Variants in GMDS observed in about 807,000 individuals in gnomAD.
GMDS encodes the protein GDP-mannose 4,6 dehydratase.
GMDS carries 20 observed loss-of-function variants against 49.9 expected under a neutral mutation model. That is an observed-to-expected ratio of 0.40 (90% CI 0.28 to 0.58). The LOEUF (loss-of-function observed/expected upper bound fraction) is 0.58, where lower values mean the gene tolerates loss of function less well. GMDS is among the 20% of genes least tolerant of loss of function. GMDS has a pLI of 0.42. For synonymous variants in GMDS, 177 were observed against 178.6 expected (o/e 0.99, Z 0.07); for missense variants, 362 against 481.4 (o/e 0.75, Z 2.32).
intron 7 of GMDS, among the ~76,000 whole-genome samples, chr6:1,795,434 T>C (rs1245736650): frequency 6.6e-6 from 1 of 152,190 alleles, no homozygotes; most frequent in Non-Finnish European, 1.5e-5. Context: ...CCTTTTCCCA[T>C]ATATCTGTAT....
At chr6:2,196,635 A>G (rs747345734) in intron 1 of GMDS, among the ~76,000 whole-genome samples, 1 of 152,220 alleles carries the variant, frequency 6.6e-6, no homozygotes, top group Non-Finnish European at 1.5e-5. Context: ...ACAGTTCAGG[A>G]CAGACCACAT....
chr6:1,945,230 G>C (rs141581511), intron 6 of GMDS, among the ~76,000 whole-genome samples: 90 of 152,070 alleles, frequency 5.9e-4, no homozygotes, highest in African/African-American at 2.1e-3. Flanking sequence ...CTCTCTGCTT[G>C]AATCATATCT....
chr6:2,127,914 G>A (rs923323733), intron 1 of GMDS, among the ~76,000 whole-genome samples: 5 of 152,204 alleles, frequency 3.3e-5, no homozygotes, highest in East Asian at 1.9e-4. Flanking sequence ...AAGTTCTGAC[G>A]CTTGACTCCT....
rs1432009978 is a variant in GMDS, at chr6:1,750,833, C to T, written c.772-8247G>A. ...GCTAAGATCCGCTGGCTTGAAATTC[C>T]CGCTGCCAGCACAGCAGTATGAAGT... On this transcript the variant is annotated intron_variant, in intron 7 of 10. Coordinates refer to ENST00000380815, the MANE Select transcript of GMDS (RefSeq NM_001500.4). 3.9e-5 allele frequency among the ~76,000 whole-genome samples: 6 copies of T among 152,298 alleles called. No individual in the cohort carries two copies. In the East Asian group the frequency reaches 7.7e-4, roughly 20 times the overall value.
chr6:1,774,362 A>G (rs1433919464), intron 7 of GMDS, among the ~76,000 whole-genome samples: 1 of 152,238 alleles, frequency 6.6e-6, no homozygotes, highest in African/African-American at 2.4e-5. Flanking sequence ...TGTGGAGGAC[A>G]CTCAGAGCAA....
chr6:1,855,873 GCA>G (rs1396620727), intron 7 of GMDS, among the ~76,000 whole-genome samples: 1 of 152,264 alleles, frequency 6.6e-6, no homozygotes, highest in Non-Finnish European at 1.5e-5. Context: ...CTACTACAAT[GCA>G]CACACACAAA....
At chr6:2,135,555 C>CTTTTTTTTTTTTTTTT (rs1276419101) in intron 1 of GMDS, among the ~76,000 whole-genome samples, 1 of 152,024 alleles carries the variant, frequency 6.6e-6, no homozygotes. Context: ...ATTTGAGTTT[C>CTTTTTTTTTTTTTTTT]TATAATCTAG....
At chr6:2,078,480 G>A (rs1340722603) in intron 4 of GMDS, among the ~76,000 whole-genome samples, 5 of 151,886 alleles carry the variant, frequency 3.3e-5, no homozygotes, top group Non-Finnish European at 5.9e-5. Context: ...ACTTTCATTC[G>A]TTTCAAGAAA....
intron 9 of GMDS, among the ~76,000 whole-genome samples, chr6:1,667,770 C>A (rs1764281430): frequency 1.4e-5 from 2 of 144,108 alleles, no homozygotes; most frequent in Non-Finnish European, 3.0e-5. Context: ...TATTTTTCTT[C>A]TTCTCAAATG....
At chr6:2,209,020 CTG>C (rs1457778439) in intron 1 of GMDS, among the ~76,000 whole-genome samples, 1 of 152,126 alleles carries the variant, frequency 6.6e-6, no homozygotes, top group Non-Finnish European at 1.5e-5. Context: ...TTCAAGAAAA[CTG>C]TTTTGGATCC....
chr6:2,217,071 C>T (rs1344938611), intron 1 of GMDS, among the ~76,000 whole-genome samples: 3 of 152,144 alleles, frequency 2.0e-5, no homozygotes, highest in Admixed American at 6.5e-5. Flanking sequence ...GCGCTCAGCA[C>T]GTGGACTCGA....
chr6:2,101,051 A>AT (rs138705801), intron 4 of GMDS, among the ~76,000 whole-genome samples: 30,065 of 150,484 alleles, frequency 0.2, 3,515 homozygotes, highest in Non-Finnish European at 0.25. Flanking sequence ...CATTACTGAG[A>AT]TTTTTTTTTT....
chr6:1,643,775 TAA>T (rs1013363829), intron 9 of GMDS, among the ~76,000 whole-genome samples: 19 of 152,248 alleles, frequency 1.2e-4, no homozygotes, highest in African/African-American at 4.3e-4. Context: ...TCATATACTT[TAA>T]GTGGGTGAAC....
chr6:2,023,467 T>A (rs1768395391), intron 4 of GMDS, among the ~76,000 whole-genome samples: 1 of 152,230 alleles, frequency 6.6e-6, no homozygotes, highest in Non-Finnish European at 1.5e-5. Context: ...CAAGCAAAGG[T>A]GAGACCCCCT....
intron 4 of GMDS, among the ~76,000 whole-genome samples, chr6:2,013,924 C>CCA: frequency 1.9e-5 from 1 of 51,548 alleles, no homozygotes; most frequent in African/African-American, 1.0e-4. Flanking sequence ...AGGATAAAAA[C>CCA]CATATATATA....
At chr6:1,928,457 A>G (rs1297154034) in intron 7 of GMDS, among the ~76,000 whole-genome samples, 1 of 152,218 alleles carries the variant, frequency 6.6e-6, no homozygotes, top group African/African-American at 2.4e-5. Context: ...GATATTATTG[A>G]GAAAATAATG....
At chr6:1,716,704 C>T (rs917280379) in intron 9 of GMDS, among the ~76,000 whole-genome samples, 5 of 152,178 alleles carry the variant, frequency 3.3e-5, no homozygotes, top group African/African-American at 1.2e-4. Flanking sequence ...AGAGTCCCTG[C>T]CTATGTCTCT....
At chr6:2,063,655 G>C (rs944916163) in intron 4 of GMDS, among the ~76,000 whole-genome samples, 1 of 152,194 alleles carries the variant, frequency 6.6e-6, no homozygotes, top group Non-Finnish European at 1.5e-5. Flanking sequence ...CTCAATAAAA[G>C]AGGTGAATGC....
In GMDS at chr6:2,220,490, C is replaced by T. The variant is rs150971568; in HGVS notation, c.102+24831G>A. Among the ~76,000 whole-genome samples the T allele has an allele frequency of 1.2e-3, 187 of 152,254 alleles. 1 individual carries two copies. The highest frequency in any genetic ancestry group is 4.1e-3 in the African/African-American group (169 of 41,540). On this transcript the variant is annotated intron_variant, in intron 1 of 10. Transcript: ENST00000380815. ...AGATGTGAGACAATAATTGCTTATA[C>T]GTAGCATATAAATTCAGCCTCAAGA...
Sources: allele counts gnomAD v4.1 joint callset (sites outside exome capture counted in the v4.1 genomes callset), GRCh38; gene constraint gnomAD v4.1.1; transcripts MANE v1.5; gene names NCBI Gene and HGNC (gene_info 2026-07-23, HGNC 2026-07-21).